The following RPTOR variants were observed in gnomAD, a reference collection of about 807,000 sequenced individuals.
RPTOR encodes regulatory associated protein of MTOR complex 1, also known as regulatory-associated protein of mTOR.
RPTOR carries 21 observed loss-of-function variants against 169.9 expected under a neutral mutation model. The observed-to-expected ratio is 0.12, with a 90% CI of 0.09 to 0.18. RPTOR has a LOEUF of 0.18. Ranked by LOEUF, RPTOR falls within the 10% of genes least tolerant of loss-of-function variation. The pLI, the probability that RPTOR is intolerant of heterozygous loss-of-function variation, is 1.00. For synonymous variants in RPTOR, 732 were observed against 753.2 expected, an observed-to-expected ratio of 0.97 and a Z score of 0.46; for missense variants, 1,133 against 1,855.9, an observed-to-expected ratio of 0.61 and a Z score of 7.16.
chr17:80,673,480 G>A (rs927594352), intron 3 of RPTOR, among the ~76,000 whole-genome samples: 4 of 152,158 alleles, frequency 2.6e-5, no homozygotes, highest in Non-Finnish European at 4.4e-5. Flanking sequence ...CTCAAGCTTA[G>A]GCTTTCTCAA....
At chr17:80,917,885 C>T (rs764083911) in intron 21 of RPTOR, among the ~76,000 whole-genome samples, 19 of 152,250 alleles carry the variant, frequency 1.2e-4, no homozygotes, top group South Asian at 2.1e-4. Context: ...CTGGTTTCAG[C>T]GGTGGCCTGC....
At chr17:80,787,871 A>G (rs555752163) in intron 6 of RPTOR, among the ~76,000 whole-genome samples, 2 of 152,282 alleles carry the variant, frequency 1.3e-5, no homozygotes, top group East Asian at 1.9e-4. Context: ...GTGGATTTAT[A>G]TCTAGGTTTT....
chr17:80,771,053 G>C (rs571999025), intron 6 of RPTOR, among the ~76,000 whole-genome samples: 1 of 152,322 alleles, frequency 6.6e-6, no homozygotes, highest in South Asian at 2.1e-4. Context: ...CAGCCTCACT[G>C]GCCTGTCCCT....
chr17:80,883,323 C>A, intron 14 of RPTOR, 96 bp from the exon 15 acceptor site: 1 of 1,053,050 alleles, frequency 9.5e-7, no homozygotes, highest in Non-Finnish European at 1.5e-6. Context: ...ATGCGCCACG[C>A]GTGTCATGAA....
chr17:80,776,361 C>T (rs187062802), intron 6 of RPTOR, among the ~76,000 whole-genome samples: 14 of 116,912 alleles, frequency 1.2e-4, no homozygotes, highest in African/African-American at 4.7e-4. Context: ...CTCACTCTGT[C>T]TTCCCAGGCT....
rs1222627306 is a variant in RPTOR at position 80,733,463 on chromosome 17, G to A, written c.654+2757G>A. 3.9e-5 allele frequency among the ~76,000 whole-genome samples: 6 copies of A among 152,298 alleles called. No individual in the cohort carries two copies. In the East Asian group the frequency reaches 1.2e-3, roughly 29 times the overall value. ...CCTGGCCCCACGCTTTCTCTGCTGAGACTCTATGACCAAAGGCACCTCCTT... is the reference window on the plus strand; with the variant it reads ...CCTGGCCCCACGCTTTCTCTGCTGAAACTCTATGACCAAAGGCACCTCCTT... On this transcript the variant is annotated intron_variant, in intron 5 of 33. Transcript: ENST00000306801.
rs760047405 is a variant in RPTOR at position 80,728,653 on chromosome 17, A to G, written c.508-1907A>G. Among the ~76,000 whole-genome samples the G allele has an allele frequency of 2.0e-5, 3 of 151,664 alleles. 1 individual carries two copies. In the South Asian group the frequency reaches 6.2e-4, roughly 32 times the overall value. ...TCTCCCTCACTAATACCATCCTGTA[A>G]TTACCATAGATTTATAGTATCTTTA... On this transcript the variant is annotated intron_variant, in intron 4 of 33. Coordinates refer to ENST00000306801, the MANE Select transcript of RPTOR (RefSeq NM_020761.3).
At chr17:80,666,193 T>G (rs767695365) in intron 3 of RPTOR, among the ~76,000 whole-genome samples, 1 of 150,276 alleles carries the variant, frequency 6.7e-6, no homozygotes, top group Non-Finnish European at 1.5e-5. Context: ...AAATTATGTT[T>G]ATTATCTACT....
chr17:80,932,929 G>A (rs2068915579), intron 24 of RPTOR, among the ~76,000 whole-genome samples: 2 of 152,278 alleles, frequency 1.3e-5, no homozygotes, highest in African/African-American at 4.8e-5. Context: ...TACTTACAGG[G>A]GAACAAGGAC....
chr17:80,953,306 G>T (rs1367633927), intron 28 of RPTOR, among the ~76,000 whole-genome samples: 1 of 152,224 alleles, frequency 6.6e-6, no homozygotes, highest in African/African-American at 2.4e-5. Flanking sequence ...GGTTCTTGCT[G>T]TCACCCAGGC....
intron 7 of RPTOR, among the ~76,000 whole-genome samples, chr17:80,813,907 G>A (rs1299348643): frequency 6.6e-6 from 1 of 152,236 alleles, no homozygotes; most frequent in Non-Finnish European, 1.5e-5. Flanking sequence ...GCCGAGGCAG[G>A]TGGATCACCC....
chr17:80,564,517 T>C (rs1163820369), intron 1 of RPTOR, among the ~76,000 whole-genome samples: 2 of 152,162 alleles, frequency 1.3e-5, no homozygotes, highest in African/African-American at 4.8e-5. Context: ...TAGAGGTACA[T>C]GTGCAGGTTT....
intron 1 of RPTOR, among the ~76,000 whole-genome samples, chr17:80,606,165 C>T (rs568181519): frequency 1.3e-5 from 2 of 152,150 alleles, no homozygotes; most frequent in African/African-American, 4.8e-5. Flanking sequence ...GAACCCACCA[C>T]CATGTCCGGC....
chr17:80,841,137 G>C (rs1420516313), intron 10 of RPTOR, among the ~76,000 whole-genome samples: 1 of 105,354 alleles, frequency 9.5e-6, no homozygotes, highest in African/African-American at 5.1e-5. Context: ...TCACCGCACG[G>C]CAGCTCACTC....
chr17:80,841,197 ACGGCAGCTCACTCTCACCG>A (rs2067646161), intron 10 of RPTOR, among the ~76,000 whole-genome samples: 1 of 109,916 alleles, frequency 9.1e-6, no homozygotes, highest in Non-Finnish European at 1.8e-5. Flanking sequence ...CACTCACCGC[ACGGCAGCTCACTCTCACCG>A]CACGGCAGCT....
At chr17:80,627,857 G>A (rs1485557176) in intron 2 of RPTOR, among the ~76,000 whole-genome samples, 4 of 141,572 alleles carry the variant, frequency 2.8e-5, no homozygotes, top group East Asian at 4.1e-4. Context: ...TTTTTTTTGA[G>A]ATGGAGTTTT....
chr17:80,901,268 CAG>C (rs2068473208), intron 20 of RPTOR, among the ~76,000 whole-genome samples: 1 of 152,196 alleles, frequency 6.6e-6, no homozygotes, highest in Admixed American at 6.5e-5. Context: ...GGCCCGGACA[CAG>C]GGGCTTGGCC....
Position 80,945,321 on chromosome 17 carries a change from G to A in RPTOR, c.3026-346G>A, listed in dbSNP as rs369261816. The stretch of plus-strand genomic sequence containing the variant: ...AAAAAATAAAAAAGGGGCCCGGCGC[G>A]GTGGCTCACGCCTGTAATCCCAGCA... On this transcript the variant is annotated intron_variant, in intron 25 of 33. Coordinates refer to ENST00000306801, the MANE Select transcript of RPTOR (RefSeq NM_020761.3). Among the ~76,000 whole-genome samples, 84 of 151,734 alleles carry A rather than the reference G, an allele frequency of 5.5e-4. 1 individual carries two copies. The South Asian group carries it at 0.011, about 21-fold the overall frequency.
chr17:80,654,992 T>C (rs778656450), intron 3 of RPTOR, among the ~76,000 whole-genome samples: 21 of 152,276 alleles, frequency 1.4e-4, no homozygotes, highest in Non-Finnish European at 2.8e-4. Flanking sequence ...ATTCCTCTTC[T>C]AATCCTCCTC....
Sources: allele counts gnomAD v4.1 joint callset (sites outside exome capture counted in the v4.1 genomes callset), GRCh38; gene constraint gnomAD v4.1.1; transcripts MANE v1.5; gene names NCBI Gene and HGNC (gene_info 2026-07-23, HGNC 2026-07-21).